TGFBR3: variants seen among roughly 807,000 people sequenced by gnomAD.
TGFBR3 encodes the protein transforming growth factor beta receptor type 3.
Under a neutral mutation model 87.9 loss-of-function variants are expected in TGFBR3, and 46 were observed. The observed-to-expected ratio is 0.52, with a 90% CI of 0.41 to 0.67. The LOEUF (loss-of-function observed/expected upper bound fraction) is 0.67, where lower values mean the gene tolerates loss of function less well. Among genes scored for constraint, TGFBR3 ranks in the 30% least tolerant of loss-of-function variants. TGFBR3 has a pLI of 0.00. For synonymous variants in TGFBR3, 381 were observed against 391.6 expected (o/e 0.97, Z 0.32); for missense variants, 866 against 1,041.9 (o/e 0.83, Z 2.32).
intron 1 of TGFBR3, among the ~76,000 whole-genome samples, chr1:91,867,691 G>C (rs1678437439): frequency 6.6e-6 from 1 of 152,066 alleles, no homozygotes; most frequent in Admixed American, 6.5e-5. Context: ...GCATCCAAAG[G>C]TTTCTGTACC....
chr1:91,839,693 C>T (rs2129972), intron 2 of TGFBR3, among the ~76,000 whole-genome samples: 20,426 of 151,992 alleles, frequency 0.13, 1,717 homozygotes, highest in East Asian at 0.38. Context: ...GTTCCCAAAG[C>T]GTCAAGGTCA....
At chr1:91,815,224 C>CGGAGAAT (rs1676173719) in intron 2 of TGFBR3, among the ~76,000 whole-genome samples, 1 of 150,144 alleles carries the variant, frequency 6.7e-6, no homozygotes, top group Non-Finnish European at 1.5e-5. Context: ...ATCACTTGGA[C>CGGAGAAT]CCGGGAGGCG....
intron 4 of TGFBR3, among the ~76,000 whole-genome samples, chr1:91,744,209 C>T (rs1250902838): frequency 7.3e-5 from 11 of 151,646 alleles, no homozygotes; most frequent in Admixed American, 4.6e-4. Context: ...CTCAGCCTCC[C>T]GAGTAGCTGG....
chr1:91,865,236 G>T (rs369564157), intron 1 of TGFBR3, among the ~76,000 whole-genome samples: 2 of 135,258 alleles, frequency 1.5e-5, no homozygotes, highest in South Asian at 4.6e-4. Context: ...AAGAAAGAAA[G>T]AAATATAGGT....
intron 3 of TGFBR3, among the ~76,000 whole-genome samples, chr1:91,790,352 G>T (rs1675140513): frequency 6.6e-6 from 1 of 152,312 alleles, no homozygotes; most frequent in Non-Finnish European, 1.5e-5. Flanking sequence ...TATGGCCGAG[G>T]TGCGTAGTAG....
chr1:91,746,880 T>A (rs1466724921), intron 4 of TGFBR3, among the ~76,000 whole-genome samples: 1 of 152,174 alleles, frequency 6.6e-6, no homozygotes, highest in Non-Finnish European at 1.5e-5. Context: ...ACTCTAGAGC[T>A]CTTTCTATTC....
intron 2 of TGFBR3, among the ~76,000 whole-genome samples, chr1:91,815,210 G>A (rs1400763933): frequency 6.6e-6 from 1 of 151,920 alleles, no homozygotes; most frequent in Non-Finnish European, 1.5e-5. Flanking sequence ...GCTGAGGTAG[G>A]AGAATCACTT....
At chr1:91,733,556 C>G (rs1485614973) in intron 5 of TGFBR3, among the ~76,000 whole-genome samples, 2 of 152,144 alleles carry the variant, frequency 1.3e-5, no homozygotes, top group Non-Finnish European at 2.9e-5. Flanking sequence ...ACTAACCCAC[C>G]CTTCCCTGTC....
intron 1 of TGFBR3, among the ~76,000 whole-genome samples, chr1:91,900,481 G>A (rs541598030): frequency 9.2e-5 from 14 of 152,246 alleles, no homozygotes; most frequent in Middle Eastern, 3.4e-3. Context: ...CAAACTCACC[G>A]TTTTAACAAC....
At chr1:91,736,010 G>C (rs1672954911) in intron 4 of TGFBR3, among the ~76,000 whole-genome samples, 1 of 152,142 alleles carries the variant, frequency 6.6e-6, no homozygotes, top group African/African-American at 2.4e-5. Flanking sequence ...GATTTTATTA[G>C]TGGTTCTATC....
intron 7 of TGFBR3, among the ~76,000 whole-genome samples, chr1:91,725,685 C>G (rs1309575118): frequency 1.3e-5 from 2 of 152,180 alleles, no homozygotes; most frequent in East Asian, 1.9e-4. Context: ...ATCATCATAC[C>G]CATTTCACAG....
chr1:91,854,026 A>G (rs540730731), intron 2 of TGFBR3, among the ~76,000 whole-genome samples: 1 of 152,250 alleles, frequency 6.6e-6, no homozygotes, highest in Non-Finnish European at 1.5e-5. Flanking sequence ...CCCAGAAAAA[A>G]AGTCAAACTC....
At chr1:91,777,097 A>G (rs1287516213) in intron 3 of TGFBR3, among the ~76,000 whole-genome samples, 1 of 152,222 alleles carries the variant, frequency 6.6e-6, no homozygotes, top group Non-Finnish European at 1.5e-5. Flanking sequence ...TTCCAAAAAA[A>G]TAGGAACATA....
chr1:91,807,645 A>G (rs958123063), intron 2 of TGFBR3, among the ~76,000 whole-genome samples: 4 of 152,220 alleles, frequency 2.6e-5, no homozygotes, highest in Non-Finnish European at 5.9e-5. Context: ...TCTAAACAAG[A>G]TACCACTATA....
intron 14 of TGFBR3, among the ~76,000 whole-genome samples, chr1:91,700,749 C>A (rs1045362917): frequency 6.6e-6 from 1 of 152,178 alleles, no homozygotes; most frequent in African/African-American, 2.4e-5. Flanking sequence ...CCAATAACAA[C>A]AATGATGCCT....
At chr1:91,716,771 G>A in intron 10 of TGFBR3, 63 bp from the exon 11 acceptor site, 1 of 1,590,120 alleles carries the variant, frequency 6.3e-7, no homozygotes, top group Non-Finnish European at 8.6e-7. Flanking sequence ...GTTTGGTTCT[G>A]CCTCACACAA....
At chr1:91,868,012 G>T (rs7533784) in intron 1 of TGFBR3, among the ~76,000 whole-genome samples, 80,123 of 152,054 alleles carry the variant, frequency 0.53, 21,707 homozygotes, top group Middle Eastern at 0.63. Context: ...TCTGCCTTTG[G>T]GTTCAAGCAA....
At chr1:91,835,166 A>G (rs1369758853) in intron 2 of TGFBR3, among the ~76,000 whole-genome samples, 1 of 152,190 alleles carries the variant, frequency 6.6e-6, no homozygotes, top group Non-Finnish European at 1.5e-5. Context: ...GGATAGCTCT[A>G]ACCACAAATC....
intron 1 of TGFBR3, among the ~76,000 whole-genome samples, chr1:91,868,413 T>G (rs753457946): frequency 5.3e-5 from 8 of 152,286 alleles, no homozygotes; most frequent in Admixed American, 2.0e-4. Context: ...CACAAAAAAA[T>G]GATTCCAAAT....
Sources: allele counts gnomAD v4.1 joint callset (sites outside exome capture counted in the v4.1 genomes callset), GRCh38; gene constraint gnomAD v4.1.1; transcripts MANE v1.5; gene names NCBI Gene and HGNC (gene_info 2026-07-23, HGNC 2026-07-21).